The following ZNF420 variants were observed in gnomAD, a reference collection of about 807,000 sequenced individuals.
ZNF420 encodes ATM and p53-associated KZNF protein.
A neutral mutation model predicts 44.7 loss-of-function variants in ZNF420; 31 were observed. That is an observed-to-expected ratio of 0.69 (90% CI 0.52 to 0.94). The LOEUF (loss-of-function observed/expected upper bound fraction) is 0.94. Among genes scored for constraint, ZNF420 ranks in the 40% least tolerant of loss-of-function variants. ZNF420 has a pLI of 0.00. For synonymous variants in ZNF420, 245 were observed against 267.4 expected (o/e 0.92, Z 0.82); for missense variants, 681 against 827.9 (o/e 0.82, Z 2.18).
At chr19:37,044,407 C>A (rs1411255134) in intron 1 of ZNF420, among the ~76,000 whole-genome samples, 2 of 152,084 alleles carry the variant, frequency 1.3e-5, no homozygotes, top group Non-Finnish European at 1.5e-5. Context: ...TCAACCTGGG[C>A]AACCATTAAT....
chr19:37,068,084 G>A (rs1249534727), intron 1 of ZNF420, among the ~76,000 whole-genome samples: 1 of 152,024 alleles, frequency 6.6e-6, no homozygotes, highest in Non-Finnish European at 1.5e-5. Flanking sequence ...ATGTAGGTTG[G>A]TAGAAACAAT....
In ZNF420 at chr19:37,127,153, G is replaced by A; in HGVS notation, c.162G>A (p.Lys54=). The change falls in exon 5 of 5, where the codon AAG becomes AAA. Residue 54 remains lysine, a synonymous_variant. Transcript: ENST00000337995. ...ACTTGCCTTCAAGGTGTGCAAGTAA[G>A]GACTTATCTCCAGAAAAGAACACTT... The part of the protein sequence containing the change: ...SLDLPSRCAS[K]DLSPEKNTYE... 1 of 1,531,382 alleles carries A rather than the reference G, an allele frequency of 6.5e-7. No homozygotes were observed. The highest frequency in any genetic ancestry group is 8.8e-7 in the Non-Finnish European group (1 of 1,140,344). The allele number at this position is 1,531,382 out of a possible 1,614,324, so 94.9% of individuals were successfully genotyped here.
intron 1 of ZNF420, among the ~76,000 whole-genome samples, chr19:37,018,321 G>A (rs2562585): frequency 0.56 from 85,059 of 151,976 alleles, 25,324 homozygotes; most frequent in African/African-American, 0.75. Context: ...ATGAAACCTC[G>A]TGGGATTCCA....
At chr19:37,073,926 A>C (rs1968105600), upstream of ZNF420, among the ~76,000 whole-genome samples, 2 of 152,110 alleles carry the variant, frequency 1.3e-5, no homozygotes, top group African/African-American at 4.8e-5. Context: ...AACAGGCTAA[A>C]GTACTTTGGA....
chr19:37,019,793 A>G (rs1051120991), intron 1 of ZNF420, among the ~76,000 whole-genome samples: 2 of 151,880 alleles, frequency 1.3e-5, no homozygotes, highest in Admixed American at 6.6e-5. Flanking sequence ...TTAAAAATAG[A>G]ATTACCATAT....
upstream of ZNF420, among the ~76,000 whole-genome samples, chr19:37,075,769 A>C (rs943633476): frequency 6.6e-6 from 1 of 151,858 alleles, no homozygotes; most frequent in Non-Finnish European, 1.5e-5. Flanking sequence ...AAAAACAAAC[A>C]AACAAACAAA....
intron 4 of ZNF420, chr19:37,096,041 ATAT>A (rs1254328366): frequency 6.6e-6 from 1 of 152,208 alleles, no homozygotes; most frequent in African/African-American, 2.4e-5. Flanking sequence ...CACTCTGAAG[ATAT>A]TATTCCACTG....
At chr19:37,020,021 T>G (rs2074635876) in intron 1 of ZNF420, among the ~76,000 whole-genome samples, 1 of 151,702 alleles carries the variant, frequency 6.6e-6, no homozygotes, top group Non-Finnish European at 1.5e-5. Context: ...ATCGAGAACA[T>G]CCTGGCTAAC....
chr19:37,087,800 C>G (rs570247019), intron 2 of ZNF420, among the ~76,000 whole-genome samples: 1 of 152,324 alleles, frequency 6.6e-6, no homozygotes, highest in South Asian at 2.1e-4. Flanking sequence ...CGCTCGCCAC[C>G]ACACCCGGCT....
intron 1 of ZNF420, among the ~76,000 whole-genome samples, chr19:37,060,408 C>T (rs1219769635): frequency 1.3e-5 from 2 of 152,180 alleles, no homozygotes; most frequent in Admixed American, 6.5e-5. Flanking sequence ...CCCCTCAGCC[C>T]GTGGCGGTGG....
chr19:37,122,173 T>C (rs1293828633), intron 4 of ZNF420, among the ~76,000 whole-genome samples: 13 of 152,204 alleles, frequency 8.5e-5, no homozygotes, highest in Non-Finnish European at 1.5e-4. Context: ...CGTATGTTTA[T>C]TGTGGCACTA....
intron 4 of ZNF420, among the ~76,000 whole-genome samples, chr19:37,117,461 A>C (rs1185076015): frequency 6.6e-6 from 1 of 152,094 alleles, no homozygotes; most frequent in African/African-American, 2.4e-5. Flanking sequence ...CACACCAAAA[A>C]CCCATCTGTA....
intron 4 of ZNF420, among the ~76,000 whole-genome samples, chr19:37,124,045 T>C (rs1289178788): frequency 2.6e-5 from 4 of 152,196 alleles, no homozygotes; most frequent in African/African-American, 9.6e-5. Flanking sequence ...ACAACAGTTC[T>C]ATTAACCATC....
chr19:37,067,787 C>G (rs994555514), intron 1 of ZNF420, among the ~76,000 whole-genome samples: 1 of 152,112 alleles, frequency 6.6e-6, no homozygotes, highest in African/African-American at 2.4e-5. Flanking sequence ...ATCAAACACT[C>G]AGCTCATAAA....
intron 1 of ZNF420, among the ~76,000 whole-genome samples, chr19:37,064,644 C>G (rs1382138870): frequency 6.6e-6 from 1 of 152,160 alleles, no homozygotes; most frequent in Non-Finnish European, 1.5e-5. Context: ...CTAGAAGAAG[C>G]CACTATCCCA....
intron 1 of ZNF420, among the ~76,000 whole-genome samples, chr19:37,031,540 C>G (rs528945724): frequency 6.6e-6 from 1 of 152,072 alleles, no homozygotes; most frequent in African/African-American, 2.4e-5. Context: ...GAGTCTCGCT[C>G]TGTCGCCCAG....
chr19:37,029,685 C>T (rs1193065429), intron 1 of ZNF420, among the ~76,000 whole-genome samples: 2 of 151,966 alleles, frequency 1.3e-5, no homozygotes, highest in Non-Finnish European at 2.9e-5. Flanking sequence ...CCACACCTGG[C>T]TAATTTTTTG....
chr19:37,061,021 G>A (rs995042147), intron 1 of ZNF420, among the ~76,000 whole-genome samples: 1 of 152,060 alleles, frequency 6.6e-6, no homozygotes, highest in Non-Finnish European at 1.5e-5. Context: ...TTGGACTCAC[G>A]CACAGGCCCC....
intron 4 of ZNF420, among the ~76,000 whole-genome samples, chr19:37,110,758 C>A (rs368527965): frequency 1.3e-5 from 2 of 152,170 alleles, no homozygotes; most frequent in African/African-American, 4.8e-5. Flanking sequence ...ATTACTTGCT[C>A]TTTTGGCTCT....
Sources: allele counts gnomAD v4.1 joint callset (sites outside exome capture counted in the v4.1 genomes callset), GRCh38; gene constraint gnomAD v4.1.1; transcripts MANE v1.5; gene names NCBI Gene and HGNC (gene_info 2026-07-23, HGNC 2026-07-21).